CAMTA1: variants seen among roughly 807,000 people sequenced by gnomAD.
The protein encoded by CAMTA1 is calmodulin binding transcription activator 1, also known as calmodulin-binding transcription activator 1.
Under a neutral mutation model 170.9 loss-of-function variants are expected in CAMTA1, and 27 were observed. That is an observed-to-expected ratio of 0.16 (90% CI 0.12 to 0.22). The LOEUF is 0.22. Ranked by LOEUF, CAMTA1 falls within the 10% of genes least tolerant of loss-of-function variation. The pLI, the probability that CAMTA1 is intolerant of heterozygous loss-of-function variation, is 1.00. For synonymous variants in CAMTA1, 833 were observed against 891.5 expected (o/e 0.93, Z 1.17); for missense variants, 1,619 against 2,217.2 (o/e 0.73, Z 5.42).
chr1:7,355,121 G>A (rs1397522890), intron 5 of CAMTA1, among the ~76,000 whole-genome samples: 2 of 151,060 alleles, frequency 1.3e-5, no homozygotes, highest in Non-Finnish European at 2.9e-5. Context: ...CAGGAGAATC[G>A]CTTGAATCTG....
At chr1:6,947,672 A>G (rs968705701) in intron 3 of CAMTA1, among the ~76,000 whole-genome samples, 3 of 150,828 alleles carry the variant, frequency 2.0e-5, no homozygotes, top group African/African-American at 7.3e-5. Flanking sequence ...ATGAGCCACC[A>G]CCCCTGGTCT....
intron 3 of CAMTA1, among the ~76,000 whole-genome samples, chr1:7,057,811 G>T (rs1399515064): frequency 6.6e-6 from 1 of 152,172 alleles, no homozygotes; most frequent in Non-Finnish European, 1.5e-5. Context: ...GGAGACCTCC[G>T]CTTTGGCCAT....
At chr1:7,616,358 T>C (rs1364050715) in intron 6 of CAMTA1, among the ~76,000 whole-genome samples, 1 of 152,268 alleles carries the variant, frequency 6.6e-6, no homozygotes, top group Non-Finnish European at 1.5e-5. Flanking sequence ...CTCACTCTGT[T>C]CTTGAGCCCA....
intron 3 of CAMTA1, among the ~76,000 whole-genome samples, chr1:6,950,169 G>A (rs568806442): frequency 2.6e-5 from 4 of 152,308 alleles, no homozygotes; most frequent in East Asian, 1.9e-4. Flanking sequence ...CTGGCTGGGC[G>A]GAGGCAGCAA....
At chr1:7,018,687 C>T (rs1700924085) in intron 3 of CAMTA1, among the ~76,000 whole-genome samples, 1 of 152,208 alleles carries the variant, frequency 6.6e-6, no homozygotes, top group Non-Finnish European at 1.5e-5. Flanking sequence ...CACCGCTCTC[C>T]TTCCTGTCAT....
At chr1:7,108,173 G>A (rs1165816594) in intron 4 of CAMTA1, among the ~76,000 whole-genome samples, 2 of 152,188 alleles carry the variant, frequency 1.3e-5, no homozygotes, top group Admixed American at 1.3e-4. Context: ...AGAATTCAGT[G>A]AAGATAATTC....
intron 5 of CAMTA1, among the ~76,000 whole-genome samples, chr1:7,340,544 G>GCCTCCCTCTCTCCCTC (rs772743867): frequency 2.8e-5 from 3 of 105,486 alleles, no homozygotes; most frequent in Middle Eastern, 0.011. Context: ...CTGCCTGCCT[G>GCCTCCCTCTCTCCCTC]CCTGCCTGCC....
chr1:7,004,499 A>G (rs746121386), intron 3 of CAMTA1, among the ~76,000 whole-genome samples: 9 of 152,180 alleles, frequency 5.9e-5, no homozygotes, highest in South Asian at 2.1e-4. Flanking sequence ...AGCCTTCAGA[A>G]CTATGTGTTC....
At chr1:7,304,519 A>G (rs1051977112) in intron 5 of CAMTA1, among the ~76,000 whole-genome samples, 2 of 152,026 alleles carry the variant, frequency 1.3e-5, no homozygotes, top group African/African-American at 4.8e-5. Context: ...TAGATGGTAA[A>G]TTAAATTACA....
chr1:7,202,248 C>T (rs545677720), intron 4 of CAMTA1, among the ~76,000 whole-genome samples: 49 of 152,256 alleles, frequency 3.2e-4, no homozygotes, highest in African/African-American at 1.1e-3. Context: ...TTGATCTGTA[C>T]GTCTCCTTTG....
chr1:7,156,446 C>T (rs1646891723), intron 4 of CAMTA1, among the ~76,000 whole-genome samples: 4 of 152,084 alleles, frequency 2.6e-5, no homozygotes, highest in Admixed American at 2.0e-4. Context: ...CCTCTGAGGG[C>T]CAGAGAGGGC....
chr1:7,331,775 T>C (rs1166609480), intron 5 of CAMTA1, among the ~76,000 whole-genome samples: 2 of 152,156 alleles, frequency 1.3e-5, no homozygotes, highest in Non-Finnish European at 2.9e-5. Flanking sequence ...TTTGACCTTC[T>C]CAACTGCAAT....
intron 4 of CAMTA1, among the ~76,000 whole-genome samples, chr1:7,119,787 C>T (rs1000438352): frequency 6.6e-5 from 10 of 152,156 alleles, no homozygotes; most frequent in Non-Finnish European, 8.8e-5. Flanking sequence ...GACTTTCTCA[C>T]CTGGGGTTTC....
intron 5 of CAMTA1, among the ~76,000 whole-genome samples, chr1:7,373,457 C>T (rs963458616): frequency 2.6e-5 from 4 of 152,180 alleles, no homozygotes; most frequent in Admixed American, 6.5e-5. Flanking sequence ...GAGTGCTCCA[C>T]CTCAGTCCAC....
intron 3 of CAMTA1, among the ~76,000 whole-genome samples, chr1:6,932,109 G>A (rs892018190): frequency 1.3e-5 from 2 of 152,032 alleles, no homozygotes; most frequent in Middle Eastern, 6.3e-3. Context: ...CATCACCATC[G>A]CCAAATCAAG....
chr1:7,084,187 A>T (rs1460415590), intron 3 of CAMTA1, among the ~76,000 whole-genome samples: 1 of 152,144 alleles, frequency 6.6e-6, no homozygotes, highest in African/African-American at 2.4e-5. Flanking sequence ...AAATATATGT[A>T]CACACATATA....
At position 7,751,402 on chromosome 1, in the gene CAMTA1, G is replaced by A. The variant is rs1433279164; in HGVS notation, c.4883+10G>A. Reference sequence around the variant, plus strand: ...TACAACAGAAACTCAGGTGGGTGGAGAAGAGCTCATGGAGGTAAAGCTCCC... The same window carrying A: ...TACAACAGAAACTCAGGTGGGTGGAAAAGAGCTCATGGAGGTAAAGCTCCC... On this transcript the variant is annotated intron_variant, in intron 20 of 22. Transcript: ENST00000303635. 1 of 1,573,606 alleles carries A rather than the reference G, an allele frequency of 6.4e-7. No homozygotes were observed. Among genetic ancestry groups the A allele is most frequent in the South Asian group, 1.2e-5 (1 of 84,384 alleles).
At chr1:6,801,601 C>T (rs1233872557) in intron 1 of CAMTA1, among the ~76,000 whole-genome samples, 1 of 152,026 alleles carries the variant, frequency 6.6e-6, no homozygotes, top group Non-Finnish European at 1.5e-5. Context: ...AGGAATGTCC[C>T]TAATTTCACT....
intron 3 of CAMTA1, among the ~76,000 whole-genome samples, chr1:6,932,539 G>A (rs542457895): frequency 6.6e-6 from 1 of 152,334 alleles, no homozygotes; most frequent in African/African-American, 2.4e-5. Flanking sequence ...ATGCCTAGGA[G>A]TGGGATGGCC....
Sources: gnomAD v4.1 joint callset for allele counts (sites outside exome capture counted in the v4.1 genomes callset) on GRCh38, gnomAD v4.1.1 for gene constraint, MANE v1.5 for transcripts, NCBI Gene and HGNC (gene_info 2026-07-23, HGNC 2026-07-21) for gene names.